Variants in ABLIM2 observed in about 807,000 individuals in gnomAD.
ABLIM2 encodes actin binding LIM protein family member 2.
Under a neutral mutation model 97.7 loss-of-function variants are expected in ABLIM2, and 53 were observed. That is an observed-to-expected ratio of 0.54 (90% CI 0.44 to 0.68). The LOEUF is 0.68. Ranked by LOEUF, ABLIM2 falls within the 30% of genes least tolerant of loss-of-function variation. The pLI is 0.00. For missense variants in ABLIM2, 835 were observed against 867.2 expected, an observed-to-expected ratio of 0.96 and a Z score of 0.47; for synonymous variants, 361 against 345.8, an observed-to-expected ratio of 1.04 and a Z score of -0.49.
rs1465572919 is a variant in ABLIM2 at position 8,002,458 on chromosome 4, C to T, written c.1618+5601G>A. Among the ~76,000 whole-genome samples the T allele has an allele frequency of 1.3e-5, 2 of 152,218 alleles. No homozygotes were observed. The highest frequency in any genetic ancestry group is 2.9e-5 in the Non-Finnish European group (2 of 68,042). ...TTTTCCTCTCGCCCTGACTGGGCAG[C>T]CTCCAGTCCACCGTCTATGCAGCTG... On this transcript the variant is annotated intron_variant, in intron 16 of 20. Coordinates refer to ENST00000447017, the MANE Select transcript of ABLIM2 (RefSeq NM_001130083.2). This position sits in a 1 kb window ranked among gnomAD's most constrained non-coding sequence, Gnocchi z 6.1.
Position 8,091,047 on chromosome 4 carries a change from C to T in ABLIM2, c.339-2763G>A, listed in dbSNP as rs553120428. Among the ~76,000 whole-genome samples, 82 of 151,268 alleles carry T rather than the reference C, an allele frequency of 5.4e-4. 1 individual carries two copies. Among genetic ancestry groups the T allele is most frequent in the African/African-American group, 1.9e-3 (79 of 41,174 alleles). On this transcript the variant is annotated intron_variant, in intron 3 of 20. Coordinates refer to ENST00000447017, the MANE Select transcript of ABLIM2 (RefSeq NM_001130083.2). ...GTGTGTTTAACTTTATCAGAAACTG[C>T]CAAGCCGGTTTCCATGGCCGTTGTG...
chr4:8,069,901 TTGTG>T lies in ABLIM2; in HGVS notation c.675+7723_675+7726del, dbSNP rs571750473. Among the ~76,000 whole-genome samples the T allele has an allele frequency of 3.1e-3, 476 of 152,188 alleles. No homozygotes were observed. The highest frequency in any genetic ancestry group is 0.011 in the African/African-American group (464 of 41,532). On this transcript the variant is annotated intron_variant, in intron 6 of 20. Coordinates refer to ENST00000447017, the MANE Select transcript of ABLIM2 (RefSeq NM_001130083.2). The surrounding 1 kb of genome is among the most constrained non-coding windows in gnomAD (Gnocchi z 4.2). ...GTCTGTGTCCCTGTGTTTATGTTGG[TTGTG>T]TGTGTCATGTGTTTCTTTCTGTGTG...
At chr4:8,133,126 A>C (rs759044102) in intron 1 of ABLIM2, among the ~76,000 whole-genome samples, 1 of 152,104 alleles carries the variant, frequency 6.6e-6, no homozygotes, top group African/African-American at 2.4e-5. Context: ...GCGTCACTCC[A>C]ATCTCTGCCT....
intron 1 of ABLIM2, among the ~76,000 whole-genome samples, chr4:8,133,890 C>T (rs1364145128): frequency 6.6e-6 from 1 of 152,182 alleles, no homozygotes; most frequent in Non-Finnish European, 1.5e-5. Context: ...GCCACTAACA[C>T]CAGTGCATTC....
intron 9 of ABLIM2, among the ~76,000 whole-genome samples, chr4:8,036,688 C>T (rs1488099559): frequency 6.6e-6 from 1 of 152,158 alleles, no homozygotes; most frequent in African/African-American, 2.4e-5. Context: ...TCCTTCTGTA[C>T]AAAATGAGGG....
rs1026251803 is a variant in ABLIM2 at position 8,127,688 on chromosome 4, C to A, written c.11-21051G>T. On this transcript the variant is annotated intron_variant, in intron 1 of 20. Transcript: ENST00000447017. The surrounding 1 kb of genome is among the most constrained non-coding windows in gnomAD (Gnocchi z 7.3). ...ACCGGGGAAGAGCCTCTGTGGCCCACAGGGCTCCCACAAGGTCACGTGGCA... is the reference window on the plus strand; with the variant it reads ...ACCGGGGAAGAGCCTCTGTGGCCCAAAGGGCTCCCACAAGGTCACGTGGCA... 42 of 1,259,760 alleles carry A rather than the reference C, an allele frequency of 3.3e-5. No homozygotes were observed. Among genetic ancestry groups the A allele is most frequent in the Non-Finnish European group, 4.2e-5 (41 of 968,796 alleles). 78.0% of individuals were successfully genotyped at this position (1,259,760 alleles called of 1,614,324 possible).
At chr4:7,967,263 T>C (rs900800865) in intron 20 of ABLIM2, among the ~76,000 whole-genome samples, 160 bp from the exon 21 acceptor site, 1 of 152,130 alleles carries the variant, frequency 6.6e-6, no homozygotes, top group Non-Finnish European at 1.5e-5. Context: ...ACACCCTCTC[T>C]GCAGTGAAAG....
At chr4:8,052,156 C>T (rs1287486946) in intron 8 of ABLIM2, among the ~76,000 whole-genome samples, 3 of 152,230 alleles carry the variant, frequency 2.0e-5, no homozygotes, top group East Asian at 1.9e-4. Context: ...CTCCACTCAT[C>T]GGAGCCACAT....
Position 8,132,541 on chromosome 4 carries a change from G to A in ABLIM2, c.11-25904C>T, listed in dbSNP as rs920513300. Among the ~76,000 whole-genome samples, 1 of 152,174 alleles carries A rather than the reference G, an allele frequency of 6.6e-6. No homozygotes were observed. Among genetic ancestry groups the A allele is most frequent in the Non-Finnish European group, 1.5e-5 (1 of 68,030 alleles). On this transcript the variant is annotated intron_variant, in intron 1 of 20. Coordinates refer to ENST00000447017, the MANE Select transcript of ABLIM2 (RefSeq NM_001130083.2). The surrounding 1 kb of genome is among the most constrained non-coding windows in gnomAD (Gnocchi z 8.0). ...CTCCCTCTGAGTGCTGGATGCCTCC[G>A]TGGGGATGCTCCAGGCACCTCACGG...
At chr4:8,047,854 G>C (rs1297290366) in intron 8 of ABLIM2, among the ~76,000 whole-genome samples, 1 of 152,214 alleles carries the variant, frequency 6.6e-6, no homozygotes, top group Admixed American at 6.5e-5. Context: ...CTCAAGGTGG[G>C]CTCAGGAGAT....
At chr4:8,117,836 C>G (rs960929924) in intron 1 of ABLIM2, among the ~76,000 whole-genome samples, 8 of 152,234 alleles carry the variant, frequency 5.3e-5, no homozygotes, top group African/African-American at 1.9e-4. Context: ...TCCTATCCCC[C>G]CACGCAGCGT....
chr4:8,130,925 C>G lies in ABLIM2; in HGVS notation c.11-24288G>C, dbSNP rs1849264528. On this transcript the variant is annotated intron_variant, in intron 1 of 20. Coordinates refer to ENST00000447017, the MANE Select transcript of ABLIM2 (RefSeq NM_001130083.2). This position sits in a 1 kb window ranked among gnomAD's most constrained non-coding sequence, Gnocchi z 4.2. ...TGTGGACGGCAAGGTGGCCCCAGGG[C>G]TGAGCTCCCCCAAAGGCTCTAGGGG... Among the ~76,000 whole-genome samples, 2 of 152,152 alleles carry G rather than the reference C, an allele frequency of 1.3e-5. No homozygotes were observed. Among genetic ancestry groups the G allele is most frequent in the South Asian group, 4.1e-4 (2 of 4,828 alleles).
At chr4:8,064,637 A>G (rs946781030) in intron 6 of ABLIM2, among the ~76,000 whole-genome samples, 1 of 152,210 alleles carries the variant, frequency 6.6e-6, no homozygotes, top group Non-Finnish European at 1.5e-5. Flanking sequence ...CGTGTCCTGA[A>G]CGAACAACAT....
At chr4:8,000,220 G>C (rs967017358) in intron 16 of ABLIM2, among the ~76,000 whole-genome samples, 2 of 152,126 alleles carry the variant, frequency 1.3e-5, no homozygotes, top group Non-Finnish European at 2.9e-5. Flanking sequence ...GCAGACTTCA[G>C]AAGCAAGTGA....
rs1289209892 is a variant in ABLIM2 at position 8,132,658 on chromosome 4, C to A, written c.11-26021G>T. ...CAATGCTGCACATCATGAAGCACGG[C>A]CCCTACCCCGCTGTCTTCCCTCGGG... On this transcript the variant is annotated intron_variant, in intron 1 of 20. Transcript: ENST00000447017. The surrounding 1 kb of genome is among the most constrained non-coding windows in gnomAD (Gnocchi z 8.0). 6.6e-6 allele frequency among the ~76,000 whole-genome samples: 1 copy of A among 152,226 alleles called. No homozygotes were observed. Among genetic ancestry groups the A allele is most frequent in the Non-Finnish European group, 1.5e-5 (1 of 68,046 alleles).
chr4:8,034,083 G>C (rs1782674359), intron 10 of ABLIM2, among the ~76,000 whole-genome samples: 1 of 152,216 alleles, frequency 6.6e-6, no homozygotes, highest in Admixed American at 6.5e-5. Flanking sequence ...TGAGAAAATA[G>C]CCAGCACATC....
intron 9 of ABLIM2, among the ~76,000 whole-genome samples, chr4:8,036,780 C>T (rs911848353): frequency 1.3e-5 from 2 of 152,198 alleles, no homozygotes; most frequent in Non-Finnish European, 2.9e-5. Flanking sequence ...GGCAGTGAGA[C>T]TCAGTCCATG....
intron 3 of ABLIM2, among the ~76,000 whole-genome samples, chr4:8,089,897 G>C (rs1826209074): frequency 6.6e-6 from 1 of 152,144 alleles, no homozygotes; most frequent in Non-Finnish European, 1.5e-5. Flanking sequence ...ACTCTCTCCT[G>C]CCAAGTCCCT....
intron 1 of ABLIM2, among the ~76,000 whole-genome samples, chr4:8,142,303 C>G (rs990663117): frequency 1.6e-4 from 25 of 152,300 alleles, no homozygotes; most frequent in Admixed American, 1.6e-3. Context: ...CTGCTGCCCG[C>G]ACTGCCCGAG....
Sources: gnomAD v4.1 joint callset for allele counts (sites outside exome capture counted in the v4.1 genomes callset) on GRCh38, gnomAD v4.1.1 for gene constraint, Gnocchi (gnomAD v3.1) non-coding constraint, MANE v1.5 for transcripts, NCBI Gene and HGNC (gene_info 2026-07-23, HGNC 2026-07-21) for gene names.